Variants in MUC7 observed in about 807,000 individuals in gnomAD.
MUC7 encodes the protein mucin-7.
In MUC7, 2 loss-of-function variants were observed where a neutral mutation model predicts 2.5. The ratio of observed to expected loss-of-function variants is 0.81; its 90% CI spans 0.33 to 2.55. The LOEUF (loss-of-function observed/expected upper bound fraction) is 2.55. Among genes scored for constraint, MUC7 ranks in the 30% most tolerant of loss-of-function variants. The probability of loss-of-function intolerance (pLI) is 0.11; values close to 1 mark genes in which losing one functional copy is unlikely to be tolerated. For missense variants in MUC7, 408 were observed against 455.6 expected, an observed-to-expected ratio of 0.90 and a Z score of 0.95; for synonymous variants, 133 against 173.4, an observed-to-expected ratio of 0.77 and a Z score of 1.83.
intron 1 of MUC7, among the ~76,000 whole-genome samples, chr4:70,436,251 C>T (rs1733828786): frequency 6.6e-6 from 1 of 152,106 alleles, no homozygotes; most frequent in Non-Finnish European, 1.5e-5. Context: ...GTTGGCCTGC[C>T]TGCTAGGTTG....
At chr4:70,466,585 G>GC (rs1734689302) in intron 1 of MUC7, among the ~76,000 whole-genome samples, 2 of 146,870 alleles carry the variant, frequency 1.4e-5, no homozygotes, top group South Asian at 2.2e-4. Context: ...CGAATGGAAA[G>GC]CAAAAAAAAA....
intron 2 of MUC7, among the ~76,000 whole-genome samples, chr4:70,474,349 C>T (rs1330649061): frequency 6.6e-6 from 1 of 151,978 alleles, no homozygotes; most frequent in Non-Finnish European, 1.5e-5. Flanking sequence ...ATCTCCACAA[C>T]AACAACAACA....
intron 1 of MUC7, among the ~76,000 whole-genome samples, chr4:70,463,464 C>CT (rs1734607313): frequency 6.6e-6 from 1 of 152,066 alleles, no homozygotes; most frequent in African/African-American, 2.4e-5. Flanking sequence ...TATTTTTTCA[C>CT]TTTTTTTGCA....
intron 1 of MUC7, among the ~76,000 whole-genome samples, chr4:70,432,592 T>A (rs1470694067): frequency 1.3e-5 from 2 of 152,164 alleles, no homozygotes; most frequent in African/African-American, 2.4e-5. Context: ...TTTGATGGGG[T>A]TTTTTTCTTG....
intron 1 of MUC7, among the ~76,000 whole-genome samples, chr4:70,463,199 CA>C (rs11408724): frequency 3.3e-5 from 5 of 151,334 alleles, no homozygotes; most frequent in African/African-American, 7.3e-5. Flanking sequence ...CTTCAAACCA[CA>C]AAAAAAAATC....
At chr4:70,444,372 C>G (rs929643339) in intron 1 of MUC7, among the ~76,000 whole-genome samples, 1 of 152,204 alleles carries the variant, frequency 6.6e-6, no homozygotes, top group Non-Finnish European at 1.5e-5. Context: ...GTCACTGCTG[C>G]TGTCAAGACA....
chr4:70,434,690 G>A (rs1032514661), intron 1 of MUC7, among the ~76,000 whole-genome samples: 5 of 151,948 alleles, frequency 3.3e-5, no homozygotes, highest in Non-Finnish European at 7.4e-5. Flanking sequence ...TTTTTGAAGG[G>A]CTTTTTGTGT....
intron 1 of MUC7, among the ~76,000 whole-genome samples, chr4:70,432,085 T>C (rs1733682300): frequency 6.6e-6 from 1 of 152,238 alleles, no homozygotes. Flanking sequence ...ACTCATCCTT[T>C]TTTATGGCTG....
rs746535461 is a variant in MUC7, at chr4:70,464,011, C to T, written c.-92-8204C>T. On this transcript the variant is annotated intron_variant, in intron 1 of 3. Coordinates refer to the MUC7 transcript ENST00000413702. ...TCTGCAGCTCCCAGTGAGATCAACA[C>T]GGAAGGTGGGTGATTTCTGCATTTC... 4.4e-4 allele frequency among the ~76,000 whole-genome samples: 67 copies of T among 152,318 alleles called. 1 individual carries two copies. The highest frequency in any genetic ancestry group is 1.4e-3 in the Admixed American group (22 of 15,302).
chr4:70,440,505 AAGG>A (rs1159980405), intron 1 of MUC7, among the ~76,000 whole-genome samples: 2 of 152,188 alleles, frequency 1.3e-5, no homozygotes, highest in Admixed American at 6.5e-5. Flanking sequence ...ACAAAAACAA[AAGG>A]AGAAGAAATA....
upstream of MUC7, among the ~76,000 whole-genome samples, chr4:70,467,933 C>A (rs926068169): frequency 2.6e-5 from 4 of 152,068 alleles, no homozygotes; most frequent in African/African-American, 9.7e-5. Context: ...ATCCTAATAC[C>A]AAAACTTGGG....
intron 1 of MUC7, among the ~76,000 whole-genome samples, chr4:70,431,050 C>T (rs1733648935): frequency 6.6e-6 from 1 of 151,918 alleles, no homozygotes; most frequent in Non-Finnish European, 1.5e-5. Context: ...GAGCTGTATG[C>T]TACTTTTCAG....
chr4:70,453,097 C>T (rs1274591654), intron 1 of MUC7, among the ~76,000 whole-genome samples: 5 of 152,188 alleles, frequency 3.3e-5, no homozygotes, highest in African/African-American at 7.2e-5. Flanking sequence ...CACTGGATCT[C>T]ATGCCAGGCC....
chr4:70,477,461 C>T (rs75730883), intron 2 of MUC7, among the ~76,000 whole-genome samples: 1,924 of 152,208 alleles, frequency 0.013, 38 homozygotes, highest in African/African-American at 0.044. Flanking sequence ...CTAATTCTCT[C>T]CCTTTCTGAC....
chr4:70,474,039 G>A lies in MUC7; in HGVS notation c.18G>A (p.Leu6=), dbSNP rs1320361128. MKTLP[L]FVCICALSAC... ...CAGAAAGAATGAAAACTCTGCCGCT[G>A]TTTGTGTGCATCTGTGCACTGAGTG... is the stretch of plus-strand genomic sequence containing the variant. The change falls in exon 2 of 3, where the codon CTG becomes CTA. Residue 6 remains leucine, a synonymous_variant. Coordinates refer to ENST00000304887, the MANE Select transcript of MUC7 (RefSeq NM_152291.3). The A allele has an allele frequency of 6.2e-7, 1 of 1,612,902 alleles. No individual in the cohort carries two copies. The highest frequency in any genetic ancestry group is 8.5e-7 in the Non-Finnish European group (1 of 1,179,436).
chr4:70,436,867 T>C (rs1447668823), intron 1 of MUC7, among the ~76,000 whole-genome samples: 1 of 152,204 alleles, frequency 6.6e-6, no homozygotes, highest in Non-Finnish European at 1.5e-5. Flanking sequence ...GTTGATGACC[T>C]ACAGATGGGG....
At chr4:70,441,569 CA>C (rs1156298147) in intron 1 of MUC7, among the ~76,000 whole-genome samples, 1 of 151,724 alleles carries the variant, frequency 6.6e-6, no homozygotes, top group Non-Finnish European at 1.5e-5. Flanking sequence ...TTCTCTCAAA[CA>C]AAAAAATGGT....
chr4:70,473,652 G>A (rs1734906745), intron 1 of MUC7, among the ~76,000 whole-genome samples: 1 of 152,050 alleles, frequency 6.6e-6, no homozygotes, highest in Admixed American at 6.5e-5. Context: ...CCCACAGAGG[G>A]GAGCTTCCTG....
chr4:70,476,050 T>C (rs1213672227), intron 2 of MUC7, among the ~76,000 whole-genome samples: 2 of 152,358 alleles, frequency 1.3e-5, no homozygotes, highest in Middle Eastern at 3.4e-3. Flanking sequence ...ATTTAGAATC[T>C]ATTTATAGGG....
Sources: allele counts gnomAD v4.1 joint callset (sites outside exome capture counted in the v4.1 genomes callset), GRCh38; gene constraint gnomAD v4.1.1; transcripts MANE v1.5; gene names NCBI Gene and HGNC (gene_info 2026-07-23, HGNC 2026-07-21).